VWF: variants seen among roughly 807,000 people sequenced by gnomAD.
VWF encodes the protein Factor VIII related antigen.
Under a neutral mutation model 308.6 loss-of-function variants are expected in VWF, and 176 were observed. The ratio of observed to expected loss-of-function variants is 0.57; its 90% confidence interval spans 0.50 to 0.65. The LOEUF (loss-of-function observed/expected upper bound fraction) is 0.65. Among genes scored for constraint, VWF ranks in the 30% least tolerant of loss-of-function variants. VWF has a pLI of 0.00. For missense variants in VWF, 3,146 were observed against 3,648.2 expected, an observed-to-expected ratio of 0.86 and a Z score of 3.55; for synonymous variants, 1,385 against 1,443.4, an observed-to-expected ratio of 0.96 and a Z score of 0.92.
intron 38 of VWF, among the ~76,000 whole-genome samples, chr12:5,990,566 C>G (rs1164261012): frequency 6.6e-6 from 1 of 152,104 alleles, no homozygotes; most frequent in Non-Finnish European, 1.5e-5. Context: ...GAATGGTCCT[C>G]CTTGGCGATG....
chr12:6,061,953 G>T (rs533668804), intron 13 of VWF, among the ~76,000 whole-genome samples: 1 of 152,218 alleles, frequency 6.6e-6, no homozygotes, highest in South Asian at 2.1e-4. Context: ...TGCAGCAGTG[G>T]TATTATTCTT....
intron 10 of VWF, among the ~76,000 whole-genome samples, chr12:6,066,197 C>T (rs1944712212): frequency 6.6e-6 from 1 of 152,150 alleles, no homozygotes; most frequent in African/African-American, 2.4e-5. Context: ...ACTGAGATCA[C>T]ACATCCTGGA....
intron 15 of VWF, among the ~76,000 whole-genome samples, chr12:6,056,606 G>C (rs1424204762): frequency 6.6e-6 from 1 of 152,130 alleles, no homozygotes; most frequent in African/African-American, 2.4e-5. Flanking sequence ...CCACGTTCTA[G>C]GCCTCCAGGT....
intron 44 of VWF, among the ~76,000 whole-genome samples, chr12:5,971,288 G>A (rs1200091018): frequency 6.6e-6 from 1 of 152,234 alleles, no homozygotes; most frequent in Non-Finnish European, 1.5e-5. Flanking sequence ...ACTTTGGAGG[G>A]GTGGTGAGGC....
chr12:6,102,595 C>T (rs186286368), intron 5 of VWF, among the ~76,000 whole-genome samples: 9 of 151,744 alleles, frequency 5.9e-5, no homozygotes, highest in East Asian at 3.9e-4. Context: ...ATTAGCCAGG[C>T]GTGGTGGCAG....
rs1342434690 is a variant in VWF, at chr12:6,018,455, C to T, written c.4963G>A (p.Glu1655Lys). The change falls in exon 28 of 52, where the codon GAG becomes AAG. Residue 1655 changes from glutamate (E) to lysine (K), a missense_variant. Around this residue, in one of 3 missense-constraint regions of VWF, gnomAD observed 853 missense variants for 1,177.8 expected, o/e 0.72. Coordinates refer to ENST00000261405, the MANE Select transcript of VWF (RefSeq NM_000552.5). ...TCAGGAGCCTCTCGGGGGAGCGTCT[C>T]AAAGTCCTGGATGAGGATAGGGGCA... is the stretch of plus-strand genomic sequence containing the variant. ...PNAPILIQDF[E>K]TLPREAPDLV... 6.2e-7 allele frequency: 1 copy of T among 1,613,292 alleles called. No individual in the cohort carries two copies. The highest frequency in any genetic ancestry group is 1.3e-5 in the African/African-American group (1 of 74,896).
rs1315559065 is a variant in VWF, at chr12:5,949,758, C to T, written c.8253+28G>A. 1.9e-6 allele frequency: 3 copies of T among 1,609,452 alleles called. No homozygotes were observed. In the East Asian group the frequency reaches 6.7e-5, roughly 36 times the overall value. On this transcript the variant is annotated intron_variant, in intron 51 of 51. Coordinates refer to ENST00000261405, the MANE Select transcript of VWF (RefSeq NM_000552.5). ...AACACGGAGGCTCAGCCCTCCACAC[C>T]CAGCCCTTATTGAAGCAGAGCCCTT...
intron 38 of VWF, among the ~76,000 whole-genome samples, chr12:5,991,396 C>A (rs1943741362): frequency 6.6e-6 from 1 of 152,128 alleles, no homozygotes; most frequent in Admixed American, 6.5e-5. Context: ...GCAAAATACA[C>A]CTTTGAAAAA....
At chr12:6,023,178 TC>T (rs1377293343) in intron 25 of VWF, among the ~76,000 whole-genome samples, 1 of 152,128 alleles carries the variant, frequency 6.6e-6, no homozygotes, top group Non-Finnish European at 1.5e-5. Context: ...GGCCTCAGCC[TC>T]CCAAAACACA....
chr12:6,078,599 T>C (rs1388309062), intron 6 of VWF, among the ~76,000 whole-genome samples: 1 of 152,226 alleles, frequency 6.6e-6, no homozygotes, highest in Non-Finnish European at 1.5e-5. Context: ...CCTGGGGTTT[T>C]CCTGGTCATT....
rs1591848387 is a variant in VWF at position 5,993,972 on chromosome 12, C to T, written c.6488G>A (p.Cys2163Tyr). ...VLAPATFYAI[C>Y]QQDSCHQEQV... ...CTCCTGGTGGCAACTGTCCTGCTGG[C>T]AGATGGCATAGAATGTGGCTGGAGC... Residue 2163 changes from cysteine to tyrosine, a missense_variant, in exon 37 of 52, where the codon TGC becomes TAC. Coordinates refer to ENST00000261405, the MANE Select transcript of VWF (RefSeq NM_000552.5). The T allele has an allele frequency of 1.9e-6, 3 of 1,614,152 alleles. No homozygotes were observed. Among genetic ancestry groups the T allele is most frequent in the Non-Finnish European group, 1.7e-6 (2 of 1,180,034 alleles).
chr12:6,090,027 G>A lies in VWF; in HGVS notation c.657+5433C>T, dbSNP rs369751697. ...GGCTGGAGTGCAGTAGTGCAATCTC[G>A]GCTCACTGCAAGCTCTGCCTCCCAG... On this transcript the variant is annotated intron_variant, in intron 6 of 51. Coordinates refer to ENST00000261405, the MANE Select transcript of VWF (RefSeq NM_000552.5). Among the ~76,000 whole-genome samples, 15 of 151,926 alleles carry A rather than the reference G, an allele frequency of 9.9e-5. No homozygotes were observed. The East Asian group carries it at 1.9e-3, about 20-fold the overall frequency.
At chr12:6,036,560 C>T (rs1944339379) in intron 18 of VWF, 69 bp from the exon 19 acceptor site, 2 of 1,442,716 alleles carry the variant, frequency 1.4e-6, no homozygotes, top group Non-Finnish European at 1.9e-6. Context: ...CCAGCCCGCT[C>T]CAGGAAGTGT....
intron 17 of VWF, among the ~76,000 whole-genome samples, chr12:6,045,839 G>A (rs532337560): frequency 2.0e-5 from 3 of 152,316 alleles, no homozygotes; most frequent in African/African-American, 4.8e-5. Flanking sequence ...AAGCCTTCTG[G>A]AAGCAAATAA....
intron 40 of VWF, 108 bp from the exon 41 acceptor site, chr12:5,983,362 GGTAA>G (rs1283959603): frequency 1.9e-6 from 2 of 1,063,316 alleles, no homozygotes; most frequent in African/African-American, 1.6e-5. Flanking sequence ...TACTGTTTTA[GGTAA>G]GTGATGATGA....
In VWF at chr12:5,985,504, G is replaced by A; in HGVS notation, c.6901+59C>T. On this transcript the variant is annotated intron_variant, in intron 39 of 51. Transcript: ENST00000261405. ...GCCAGAGGTGAAGATGGGTGGCTGG[G>A]GGGCCTTGCAGGGGCCCTTGTTCCT... 2.6e-6 allele frequency: 4 copies of A among 1,546,752 alleles called. No individual in the cohort carries two copies. The Admixed American group carries it at 7.1e-5, about 27-fold the overall frequency.
intron 9 of VWF, among the ~76,000 whole-genome samples, chr12:6,071,760 G>T (rs917223423): frequency 1.3e-5 from 2 of 152,194 alleles, no homozygotes; most frequent in African/African-American, 4.8e-5. Context: ...CACACAGAAG[G>T]CTGCTAAGAT....
In VWF at chr12:6,016,882, A is replaced by G; in HGVS notation, c.5054-12T>C. The G allele has an allele frequency of 6.2e-7, 1 of 1,613,504 alleles. No individual in the cohort carries two copies. Among genetic ancestry groups the G allele is most frequent in the African/African-American group, 1.3e-5 (1 of 75,046 alleles). On this transcript the variant is annotated splice_polypyrimidine_tract_variant and intron_variant, in intron 28 of 51. Transcript: ENST00000261405. ...GGGCTGGCTGCAGTCTGCAAAGACA[A>G]CCAGGAAGGTGAGCACACAGGTGCC...
At position 6,029,425 on chromosome 12, in the gene VWF, T is replaced by G; in HGVS notation, c.2884A>C (p.Ile962Leu). Residue 962 changes from isoleucine to leucine, a missense_variant, in exon 22 of 52, where the codon ATC (isoleucine) becomes CTC (leucine). By Grantham distance (5) the Ile-to-Leu change is conservative. This residue lies in a region of VWF where 1,304 missense variants were observed against 1,353.0 expected (regional missense o/e 0.96). Coordinates refer to ENST00000261405, the MANE Select transcript of VWF (RefSeq NM_000552.5). ...AGGGCTTTGCCCAGCAGCAGAATGA[T>G]GTACCGGCCAGACTCCACCACCTCA... is the stretch of plus-strand genomic sequence containing the variant. ...HFEVVESGRY[I>L]ILLLGKALSV... 1.2e-6 allele frequency: 2 copies of G among 1,614,086 alleles called. No homozygotes were observed. Among genetic ancestry groups the G allele is most frequent in the Non-Finnish European group, 1.7e-6 (2 of 1,180,028 alleles).
Sources: gnomAD v4.1 joint callset for allele counts (sites outside exome capture counted in the v4.1 genomes callset) on GRCh38, gnomAD v4.1.1 for gene constraint, gnomAD v4.1.1 regional missense constraint, MANE v1.5 for transcripts, NCBI Gene and HGNC (gene_info 2026-07-23, HGNC 2026-07-21) for gene names.